VAV2: variants seen among roughly 807,000 people sequenced by gnomAD.
VAV2 encodes the protein guanine nucleotide exchange factor VAV2.
In VAV2, 67 loss-of-function variants were observed where a neutral mutation model predicts 132.5. The observed-to-expected ratio is 0.51, with a 90% confidence interval of 0.42 to 0.62. The LOEUF (loss-of-function observed/expected upper bound fraction) is 0.62, where lower values mean the gene tolerates loss of function less well. Ranked by LOEUF, VAV2 falls within the 20% of genes least tolerant of loss-of-function variation. VAV2 has a pLI of 0.00. For missense variants in VAV2, 938 were observed against 1,153.6 expected, an observed-to-expected ratio of 0.81 and a Z score of 2.71; for synonymous variants, 492 against 443.5, an observed-to-expected ratio of 1.11 and a Z score of -1.37.
chr9:133,976,858 C>T (rs1449125907), intron 1 of VAV2, among the ~76,000 whole-genome samples: 1 of 152,218 alleles, frequency 6.6e-6, no homozygotes, highest in Non-Finnish European at 1.5e-5. Flanking sequence ...GAAGCCACTC[C>T]TTTTATCCCC....
In VAV2 at chr9:133,928,898, CCATCAG is replaced by C. The variant is rs1840576243; in HGVS notation, c.321+10199_321+10204del. On this transcript the variant is annotated intron_variant, in intron 2 of 29. Coordinates refer to ENST00000371850, the MANE Select transcript of VAV2 (RefSeq NM_001134398.2). This position sits in a 1 kb window ranked among gnomAD's most constrained non-coding sequence, Gnocchi z 5.4. ...CTGGCACTCCAGGCCACTGGAATGG[CCATCAG>C]ATGCACCCCTGCCCACTGCCAGGGT... 6.6e-6 allele frequency among the ~76,000 whole-genome samples: 1 copy of C among 152,160 alleles called. No homozygotes were observed. Among genetic ancestry groups the C allele is most frequent in the African/African-American group, 2.4e-5 (1 of 41,440 alleles).
chr9:133,902,623 G>A (rs1001704053), intron 2 of VAV2, among the ~76,000 whole-genome samples: 5 of 152,142 alleles, frequency 3.3e-5, no homozygotes, highest in African/African-American at 1.2e-4. Context: ...GAGTGTTTCG[G>A]GTTGAACTGT....
intron 2 of VAV2, among the ~76,000 whole-genome samples, chr9:133,882,406 T>C (rs1433159877): frequency 6.6e-6 from 1 of 152,224 alleles, no homozygotes; most frequent in Non-Finnish European, 1.5e-5. Flanking sequence ...CTACGGTTCA[T>C]GTCCTTCCTG....
intron 3 of VAV2, among the ~76,000 whole-genome samples, chr9:133,846,832 G>A (rs550853187): frequency 9.2e-5 from 14 of 152,262 alleles, no homozygotes; most frequent in Non-Finnish European, 1.9e-4. Flanking sequence ...GCAGGGATGA[G>A]AGGGAGCGAC....
intron 1 of VAV2, among the ~76,000 whole-genome samples, chr9:133,980,321 C>G (rs1300559273): frequency 6.6e-6 from 1 of 152,240 alleles, no homozygotes; most frequent in Non-Finnish European, 1.5e-5. Flanking sequence ...ACCTGTCCCT[C>G]CTTCATCCAT....
Position 133,783,547 on chromosome 9 carries a change from C to T in VAV2, c.1679G>A (p.Gly560Glu), listed in dbSNP as rs754695036. Residue 560 changes from glycine (G) to glutamate (E), a missense_variant, in exon 19 of 30, where the codon GGG becomes GAG. Transcript: ENST00000371850. ...CACTTCCAGGCACTCCTTGTGTGCC[C>T]CGACGCCACACTTGGTACACATGTA... is the stretch of plus-strand genomic sequence containing the variant. ...QGYMCTKCGV[G>E]AHKECLEVIP... The T allele has an allele frequency of 1.9e-6, 3 of 1,614,004 alleles. No homozygotes were observed. The South Asian group carries it at 3.3e-5, about 18-fold the overall frequency.
rs77924753 is a variant in VAV2 at position 133,843,262 on chromosome 9, G to A, written c.381-8922C>T. The stretch of plus-strand genomic sequence containing the variant: ...CGCAGAGACAGCTCGGGGTGGCAGG[G>A]AGTCTGAACCTGGGGAAACCAGGAA... On this transcript the variant is annotated intron_variant, in intron 3 of 29. Coordinates refer to ENST00000371850, the MANE Select transcript of VAV2 (RefSeq NM_001134398.2). Among the ~76,000 whole-genome samples, 944 of 152,296 alleles carry A rather than the reference G, an allele frequency of 6.2e-3. 7 individuals carry two copies. The highest frequency in any genetic ancestry group is 0.022 in the African/African-American group (905 of 41,542).
Position 133,912,713 on chromosome 9 carries a change from G to A in VAV2, c.321+26390C>T, listed in dbSNP as rs1382653520. ...TCCTCAGGGGCTGCAGTCACCGGTGGTTGACTATTAGGGGGGATAGTTGTG... is the reference window on the plus strand; with the variant it reads ...TCCTCAGGGGCTGCAGTCACCGGTGATTGACTATTAGGGGGGATAGTTGTG... On this transcript the variant is annotated intron_variant, in intron 2 of 29. Coordinates refer to ENST00000371850, the MANE Select transcript of VAV2 (RefSeq NM_001134398.2). This position sits in a 1 kb window ranked among gnomAD's most constrained non-coding sequence, Gnocchi z 4.3. Among the ~76,000 whole-genome samples, 3 of 152,216 alleles carry A rather than the reference G, an allele frequency of 2.0e-5. No homozygotes were observed. Among genetic ancestry groups the A allele is most frequent in the Non-Finnish European group, 4.4e-5 (3 of 68,032 alleles).
At position 133,763,153 on chromosome 9, in the gene VAV2, A is replaced by G. The variant is rs1440146032; in HGVS notation, c.*909T>C. ...GGCAGACCCTCAGGGACCACCCTTCAGGAGAGCAGAGGGGCCTCCTGGAGA... is the reference window on the plus strand; with the variant it reads ...GGCAGACCCTCAGGGACCACCCTTCGGGAGAGCAGAGGGGCCTCCTGGAGA... On this transcript the variant is annotated 3_prime_UTR_variant, in exon 30 of 30. Transcript: ENST00000371850. This position sits in a 1 kb window ranked among gnomAD's most constrained non-coding sequence, Gnocchi z 6.8. 2.0e-5 allele frequency: 3 copies of G among 152,504 alleles called. No homozygotes were observed. Among genetic ancestry groups the G allele is most frequent in the Non-Finnish European group, 4.4e-5 (3 of 68,026 alleles). 9.4% of individuals were successfully genotyped at this position (152,504 alleles called of 1,614,324 possible).
intron 22 of VAV2, 78 bp from the exon 23 acceptor site, chr9:133,777,541 A>G (rs144471836): frequency 7.3e-7 from 1 of 1,378,278 alleles, no homozygotes; most frequent in East Asian, 2.3e-5. Context: ...AGACGGACTC[A>G]GCGTATGCCA....
chr9:133,806,162 T>C lies in VAV2; in HGVS notation c.755A>G (p.His252Arg), dbSNP rs1210059973. The change falls in exon 9 of 30, where the codon CAC (histidine) becomes CGC (arginine). Residue 252 changes from histidine (H) to arginine (R), a missense_variant. By Grantham distance (29) the His-to-Arg change is conservative (BLOSUM62 0). Transcript: ENST00000371850. The stretch of plus-strand genomic sequence containing the variant: ...CACGTCGATGGCCCTCAGGAAGCTG[T>C]GATGCACCTTGATCAGGTCCTGGGT... ...INLEDLIKVH[H>R]SFLRAIDVSV... The C allele has an allele frequency of 2.5e-5, 40 of 1,612,320 alleles. No homozygotes were observed. Among genetic ancestry groups the C allele is most frequent in the Non-Finnish European group, 3.2e-5 (38 of 1,179,792 alleles).
At chr9:133,921,051 G>T (rs542883513) in intron 2 of VAV2, among the ~76,000 whole-genome samples, 2 of 152,172 alleles carry the variant, frequency 1.3e-5, no homozygotes, top group Non-Finnish European at 2.9e-5. Context: ...AATAAATGTC[G>T]TTGGCTTAAT....
chr9:133,854,775 A>C (rs1442634037), intron 3 of VAV2, among the ~76,000 whole-genome samples: 4 of 152,126 alleles, frequency 2.6e-5, no homozygotes, highest in Non-Finnish European at 4.4e-5. Context: ...GGTTGAATCC[A>C]TTATTGTAAC....
chr9:133,903,000 G>A lies in VAV2; in HGVS notation c.321+36103C>T, dbSNP rs532735329. On this transcript the variant is annotated intron_variant, in intron 2 of 29. Coordinates refer to ENST00000371850, the MANE Select transcript of VAV2 (RefSeq NM_001134398.2). ...TAAGGCAAGAGAATCACTTGAACCCGGGAAGTAGAGGTTGTAGTGAGCCAA... is the reference window on the plus strand; with the variant it reads ...TAAGGCAAGAGAATCACTTGAACCCAGGAAGTAGAGGTTGTAGTGAGCCAA... Among the ~76,000 whole-genome samples, 15 of 151,220 alleles carry A rather than the reference G, an allele frequency of 9.9e-5. No individual in the cohort carries two copies. In the South Asian group the frequency reaches 2.3e-3, roughly 23 times the overall value.
intron 3 of VAV2, among the ~76,000 whole-genome samples, chr9:133,856,444 TGCTGGTATGTGCCCCCCACCGGGACCC>T (rs1455825161): frequency 2.6e-4 from 40 of 151,426 alleles, no homozygotes; most frequent in African/African-American, 3.6e-4. Context: ...CGGGACCCCA[TGCTGGTATGTGCCCCCCACCGGGACCC>T]CATGCTGGTA....
rs1310015662 is a variant in VAV2 at position 133,769,488 on chromosome 9, T to TAGGAAGCAC, written c.2354_2362dup (p.Cys785_Ser787dup). The TAGGAAGCAC allele has an allele frequency of 3.7e-6, 6 of 1,612,190 alleles. No homozygotes were observed. Among genetic ancestry groups the TAGGAAGCAC allele is most frequent in the Non-Finnish European group, 5.1e-6 (6 of 1,179,284 alleles). On this transcript the variant is annotated inframe_insertion, in exon 28 of 30. Coordinates refer to ENST00000371850, the MANE Select transcript of VAV2 (RefSeq NM_001134398.2). This position sits in a 1 kb window ranked among gnomAD's most constrained non-coding sequence, Gnocchi z 8.1. ...CTGAGGACTGAGAAAAGAAAAGTTGTAGGAAGCACAGGAAGCTGCAAAGAG... is the reference window on the plus strand; with the variant it reads ...CTGAGGACTGAGAAAAGAAAAGTTGTAGGAAGCACAGGAAGCACAGGAAGCTGCAAAGAG...
At chr9:133,931,619 G>A (rs1311473187) in intron 2 of VAV2, among the ~76,000 whole-genome samples, 7 of 152,200 alleles carry the variant, frequency 4.6e-5, no homozygotes, top group Non-Finnish European at 1.0e-4. Flanking sequence ...TCCCCACAAA[G>A]GGAGAGAGCA....
intron 1 of VAV2, among the ~76,000 whole-genome samples, chr9:133,980,519 C>T (rs764824102): frequency 3.3e-5 from 5 of 152,192 alleles, no homozygotes; most frequent in Non-Finnish European, 7.3e-5. Flanking sequence ...ACCCTGACAC[C>T]GCAGAGGCTG....
chr9:133,877,040 G>A (rs541703939), intron 2 of VAV2, among the ~76,000 whole-genome samples: 28 of 152,158 alleles, frequency 1.8e-4, no homozygotes, highest in African/African-American at 6.3e-4. Context: ...TGCCTGCCCC[G>A]AGTCTCCCTC....
Sources: allele counts gnomAD v4.1 joint callset (sites outside exome capture counted in the v4.1 genomes callset), GRCh38; gene constraint gnomAD v4.1.1; non-coding constraint Gnocchi (gnomAD v3.1); transcripts MANE v1.5; gene names NCBI Gene and HGNC (gene_info 2026-07-23, HGNC 2026-07-21).